CKAP5: variants seen among roughly 807,000 people sequenced by gnomAD.
The protein encoded by CKAP5 is cytoskeleton associated protein 5.
Under a neutral mutation model 232.8 loss-of-function variants are expected in CKAP5, and 27 were observed. The observed-to-expected ratio is 0.12, with a 90% confidence interval of 0.09 to 0.16. CKAP5 has a LOEUF of 0.16. Ranked by LOEUF, CKAP5 falls within the 10% of genes least tolerant of loss-of-function variation. The pLI is 1.00. For synonymous variants in CKAP5, 785 were observed against 841.1 expected (o/e 0.93, Z 1.16); for missense variants, 1,838 against 2,424.7 (o/e 0.76, Z 5.08).
chr11:46,781,594 A>G (rs1289429119), intron 18 of CKAP5, among the ~76,000 whole-genome samples: 1 of 152,160 alleles, frequency 6.6e-6, no homozygotes, highest in Non-Finnish European at 1.5e-5. Flanking sequence ...TTTTAAATAC[A>G]TCACATGTAC....
chr11:46,816,015 A>G (rs141666419), intron 4 of CKAP5, among the ~76,000 whole-genome samples, 183 bp downstream of exon 4: 2 of 152,232 alleles, frequency 1.3e-5, no homozygotes, highest in East Asian at 3.9e-4. Flanking sequence ...TGTGAACTGC[A>G]CATGTGAGGG....
intron 1 of CKAP5, among the ~76,000 whole-genome samples, chr11:46,844,630 G>A (rs1221126953): frequency 6.6e-6 from 1 of 152,070 alleles, no homozygotes; most frequent in African/African-American, 2.4e-5. Context: ...TCAGTGAACA[G>A]CCTTTTAAAA....
At position 46,751,416 on chromosome 11, in the gene CKAP5, C is replaced by T; in HGVS notation, c.5252G>A (p.Cys1751Tyr). 1.9e-6 allele frequency: 3 copies of T among 1,614,072 alleles called. No homozygotes were observed. The highest frequency in any genetic ancestry group is 2.5e-6 in the Non-Finnish European group (3 of 1,180,010). ...GGTCCTTATGGGAAATTCACTTTTG[C>T]ATTGCTTCAGTTTCTCTTTGGGGAA... ...KVFPKEKLKQ[C>Y]KSEFPIRTLK... Residue 1751 changes from cysteine (C) to tyrosine (Y), a missense_variant, in exon 39 of 44, where the codon TGC becomes TAC. This residue lies in a region of CKAP5 where 579 missense variants were observed against 843.2 expected (regional missense o/e 0.69). Coordinates refer to ENST00000529230, the MANE Select transcript of CKAP5 (RefSeq NM_001008938.4).
rs752133611 is a variant in CKAP5 at position 46,780,448 on chromosome 11, C to G, written c.2287G>C (p.Ala763Pro). ...CTCACTGGGTTTGTTGCAGCAAGAG[C>G]TGTCTTCACATTGCTAATGAAAGCT... Reference protein sequence around the residue: ...VKAFISNVKTALAATNPAVRT... With the variant: ...VKAFISNVKTPLAATNPAVRT... The change falls in exon 19 of 44, where the codon GCT becomes CCT. Residue 763 changes from alanine to proline, a missense_variant. This residue lies in a region of CKAP5 where 767 missense variants were observed against 954.6 expected (regional missense o/e 0.80). Coordinates refer to ENST00000529230, the MANE Select transcript of CKAP5 (RefSeq NM_001008938.4). 6.2e-7 allele frequency: 1 copy of G among 1,613,902 alleles called. No homozygotes were observed. Among genetic ancestry groups the G allele is most frequent in the Admixed American group, 1.7e-5 (1 of 60,002 alleles).
At chr11:46,813,904 G>T (rs1939333432) in intron 4 of CKAP5, among the ~76,000 whole-genome samples, 1 of 151,944 alleles carries the variant, frequency 6.6e-6, no homozygotes, top group African/African-American at 2.4e-5. Flanking sequence ...GGAGGCCGAG[G>T]TGGGATCACT....
chr11:46,783,429 T>C (rs926685334), intron 17 of CKAP5, 61 bp from the exon 18 acceptor site: 1 of 1,067,442 alleles, frequency 9.4e-7, no homozygotes, highest in Non-Finnish European at 1.4e-6. Flanking sequence ...AAATACAGCA[T>C]GACATTAAGG....
intron 7 of CKAP5, among the ~76,000 whole-genome samples, 168 bp from the exon 8 acceptor site, chr11:46,808,312 A>C (rs1421294616): frequency 6.6e-6 from 1 of 152,090 alleles, no homozygotes; most frequent in Non-Finnish European, 1.5e-5. Context: ...GAGGCCGAGG[A>C]GGGCAGATCA....
In CKAP5 at chr11:46,790,159, C is replaced by G; in HGVS notation, c.1792G>C (p.Ala598Pro). 1 of 1,608,942 alleles carries G rather than the reference C, an allele frequency of 6.2e-7. No homozygotes were observed. The highest frequency in any genetic ancestry group is 2.2e-5 in the East Asian group (1 of 44,760). ...TGTATACAGGTAGGGGGAAGAACAG[C>G]TGAAGCTTTTTCTTCACATACTTCT... The part of the protein sequence containing the change: ...SIEVCEEKAS[A>P]VLPPTCIQLL... Residue 598 changes from alanine to proline, a missense_variant, in exon 15 of 44, where the codon GCT becomes CCT. By Grantham distance (27) the Ala-to-Pro change is conservative. Coordinates refer to ENST00000529230, the MANE Select transcript of CKAP5 (RefSeq NM_001008938.4).
intron 33 of CKAP5, among the ~76,000 whole-genome samples, chr11:46,759,906 G>A (rs1002051012): frequency 1.3e-5 from 2 of 152,066 alleles, no homozygotes; most frequent in Admixed American, 6.6e-5. Flanking sequence ...TTTATATTTT[G>A]TGAGACCACC....
At chr11:46,793,180 T>A (rs1379992218) in intron 13 of CKAP5, among the ~76,000 whole-genome samples, 3 of 152,224 alleles carry the variant, frequency 2.0e-5, no homozygotes, top group Non-Finnish European at 4.4e-5. Flanking sequence ...TCCCTGAGTC[T>A]TAGTTTCATT....
At chr11:46,770,744 T>A in intron 25 of CKAP5, 44 bp downstream of exon 25, 1 of 1,571,454 alleles carries the variant, frequency 6.4e-7, no homozygotes, top group Non-Finnish European at 8.7e-7. Context: ...TAAATATATT[T>A]TTTAATAGCT....
At chr11:46,838,794 A>AG in intron 1 of CKAP5, among the ~76,000 whole-genome samples, 1 of 8,370 alleles carries the variant, frequency 1.2e-4, no homozygotes, top group Non-Finnish European at 5.5e-4. Context: ...ACCCCATCTC[A>AG]AAAAAAAAAA....
intron 12 of CKAP5, among the ~76,000 whole-genome samples, chr11:46,796,531 G>A (rs150228583): frequency 0.016 from 2,497 of 152,088 alleles, 42 homozygotes; most frequent in Admixed American, 0.057. Flanking sequence ...TTTCAAACTC[G>A]GTCTGAACTA....
intron 1 of CKAP5, among the ~76,000 whole-genome samples, chr11:46,838,444 T>A (rs998725335): frequency 6.6e-6 from 1 of 151,464 alleles, no homozygotes; most frequent in Non-Finnish European, 1.5e-5. Context: ...CAAGACCAGC[T>A]TAGGCAACAT....
intron 1 of CKAP5, among the ~76,000 whole-genome samples, chr11:46,844,137 G>A (rs1410622852): frequency 2.6e-5 from 4 of 151,676 alleles, no homozygotes; most frequent in African/African-American, 4.8e-5. Flanking sequence ...TGGCAGAATC[G>A]CTTGAACCCA....
In CKAP5 at chr11:46,784,768, G is replaced by A. The variant is rs529234846; in HGVS notation, c.1969-95C>T. 101 of 832,624 alleles carry A rather than the reference G, an allele frequency of 1.2e-4. 3 individuals carry two copies. The highest frequency in any genetic ancestry group is 6.3e-4 in the South Asian group (31 of 48,922). The allele number at this position is 832,624 out of a possible 1,614,324, so 51.6% of individuals were successfully genotyped here. A position where few individuals can be genotyped will look rare whatever the true frequency, so the allele number is the denominator to read the frequency against. The stretch of plus-strand genomic sequence containing the variant: ...GCATGTAACAGATATGACATGGTTA[G>A]GGACAGCTGGAAACACAACTAAAGT... On this transcript the variant is annotated intron_variant, in intron 16 of 43. Coordinates refer to ENST00000529230, the MANE Select transcript of CKAP5 (RefSeq NM_001008938.4).
chr11:46,809,107 G>A (rs774284725), intron 7 of CKAP5, among the ~76,000 whole-genome samples: 3 of 152,274 alleles, frequency 2.0e-5, no homozygotes, highest in Admixed American at 1.3e-4. Context: ...CAGTAGAAAC[G>A]GAGAAAGGGG....
intron 33 of CKAP5, among the ~76,000 whole-genome samples, chr11:46,759,882 C>T (rs534193056): frequency 1.3e-5 from 2 of 152,158 alleles, no homozygotes; most frequent in Admixed American, 6.5e-5. Context: ...CATTCCATGC[C>T]GTGTTCAGCA....
intron 3 of CKAP5, among the ~76,000 whole-genome samples, chr11:46,817,356 T>C (rs946080590): frequency 1.3e-5 from 2 of 152,190 alleles, no homozygotes; most frequent in African/African-American, 4.8e-5. Context: ...ATATGTACCT[T>C]TAATAATAAA....
Sources: allele counts gnomAD v4.1 joint callset (sites outside exome capture counted in the v4.1 genomes callset), GRCh38; gene constraint gnomAD v4.1.1; regional missense constraint gnomAD v4.1.1; transcripts MANE v1.5; gene names NCBI Gene and HGNC (gene_info 2026-07-23, HGNC 2026-07-21).